Variants in NALF1 observed in about 807,000 individuals in gnomAD.
The protein encoded by NALF1 is family with sequence similarity 155 member A.
NALF1 carries 3 observed loss-of-function variants against 48.4 expected under a neutral mutation model. The observed-to-expected ratio is 0.06, with a 90% CI of 0.03 to 0.16. The LOEUF (loss-of-function observed/expected upper bound fraction) is 0.16. NALF1 is among the 10% of genes least tolerant of loss of function. NALF1 has a pLI of 1.00. For missense variants in NALF1, 526 were observed against 571.5 expected (o/e 0.92, Z 0.81); for synonymous variants, 262 against 245.7 (o/e 1.07, Z -0.62).
intron 2 of NALF1, among the ~76,000 whole-genome samples, chr13:107,174,646 T>G (rs1017227067): frequency 1.5e-4 from 23 of 151,496 alleles, no homozygotes; most frequent in African/African-American, 5.6e-4. Flanking sequence ...TGAGCCACCG[T>G]GCCCGGCCAG....
chr13:107,416,699 C>T (rs1370531958), intron 1 of NALF1, among the ~76,000 whole-genome samples: 2 of 152,262 alleles, frequency 1.3e-5, no homozygotes, highest in African/African-American at 2.4e-5. Flanking sequence ...TTTGGAAGGT[C>T]AAAAGTTACA....
intron 1 of NALF1, among the ~76,000 whole-genome samples, chr13:107,565,748 T>C (rs1877792836): frequency 6.6e-6 from 1 of 152,198 alleles, no homozygotes; most frequent in African/African-American, 2.4e-5. Flanking sequence ...ATGGCCTCTG[T>C]AACTTACAAC....
At chr13:107,531,875 T>C (rs1198001293) in intron 1 of NALF1, among the ~76,000 whole-genome samples, 1 of 152,152 alleles carries the variant, frequency 6.6e-6, no homozygotes, top group Non-Finnish European at 1.5e-5. Context: ...TTAGAATTTT[T>C]AAAAATTAAT....
chr13:107,477,790 G>T (rs999344409), intron 1 of NALF1, among the ~76,000 whole-genome samples: 1 of 151,950 alleles, frequency 6.6e-6, no homozygotes, highest in Non-Finnish European at 1.5e-5. Context: ...CCGCTTAAAG[G>T]TGTATGTCTT....
chr13:107,401,043 T>C (rs1883797845), intron 1 of NALF1, among the ~76,000 whole-genome samples: 1 of 152,190 alleles, frequency 6.6e-6, no homozygotes. Context: ...GTTTGGCTTT[T>C]TGCGTTCCAG....
intron 1 of NALF1, among the ~76,000 whole-genome samples, chr13:107,730,308 A>G (rs896611990): frequency 1.3e-5 from 2 of 152,220 alleles, no homozygotes; most frequent in East Asian, 1.9e-4. Flanking sequence ...TTCAGGCTCA[A>G]TCAATACTCT....
chr13:107,505,808 A>C (rs1875679712), intron 1 of NALF1, among the ~76,000 whole-genome samples: 1 of 152,152 alleles, frequency 6.6e-6, no homozygotes, highest in Non-Finnish European at 1.5e-5. Flanking sequence ...AGTTTTGATT[A>C]TTTCCATATT....
chr13:107,651,905 G>C (rs1415119582), intron 1 of NALF1, among the ~76,000 whole-genome samples: 1 of 152,190 alleles, frequency 6.6e-6, no homozygotes, highest in East Asian at 1.9e-4. Flanking sequence ...CAGGACTCTA[G>C]AGACTGCTCT....
chr13:107,789,681 A>G (rs1878175353), intron 1 of NALF1, among the ~76,000 whole-genome samples: 1 of 152,180 alleles, frequency 6.6e-6, no homozygotes, highest in African/African-American at 2.4e-5. Flanking sequence ...AGATAATAAA[A>G]CTGAGACTCA....
chr13:107,268,359 A>T (rs1219523772), intron 1 of NALF1, among the ~76,000 whole-genome samples: 1 of 152,138 alleles, frequency 6.6e-6, no homozygotes, highest in African/African-American at 2.4e-5. Flanking sequence ...ATGGAAAGTG[A>T]AACCACAGAT....
chr13:107,427,294 T>G (rs1188855111), intron 1 of NALF1, among the ~76,000 whole-genome samples: 1 of 151,954 alleles, frequency 6.6e-6, no homozygotes, highest in Non-Finnish European at 1.5e-5. Flanking sequence ...TCTAAAATAC[T>G]GTGCATTTTG....
At chr13:107,234,032 A>T (rs998537297) in intron 1 of NALF1, among the ~76,000 whole-genome samples, 4 of 152,088 alleles carry the variant, frequency 2.6e-5, no homozygotes, top group African/African-American at 7.2e-5. Context: ...TTGCTGAAAA[A>T]CCTTGGATTT....
At chr13:107,246,586 T>A (rs9520341) in intron 1 of NALF1, among the ~76,000 whole-genome samples, 29,712 of 152,230 alleles carry the variant, frequency 0.2, 3,566 homozygotes, top group South Asian at 0.42. Flanking sequence ...TGCAGTTCAA[T>A]CCTGTTTAAA....
chr13:107,561,217 A>T (rs896781369), intron 1 of NALF1, among the ~76,000 whole-genome samples: 2 of 152,214 alleles, frequency 1.3e-5, no homozygotes, highest in African/African-American at 4.8e-5. Context: ...TTTAACAAAT[A>T]TCCCGAAGAT....
intron 1 of NALF1, among the ~76,000 whole-genome samples, chr13:107,439,660 GA>G (rs1884524924): frequency 6.6e-6 from 1 of 152,112 alleles, no homozygotes; most frequent in South Asian, 2.1e-4. Context: ...TCATTGATCT[GA>G]AAAACTCTCA....
chr13:107,693,641 T>C (rs935004107), intron 1 of NALF1, among the ~76,000 whole-genome samples: 1 of 151,962 alleles, frequency 6.6e-6, no homozygotes, highest in African/African-American at 2.4e-5. Flanking sequence ...GTAAGGGAAG[T>C]ATTCATTGCA....
chr13:107,303,297 TATAAA>T (rs1482916102), intron 1 of NALF1, among the ~76,000 whole-genome samples: 2 of 152,194 alleles, frequency 1.3e-5, no homozygotes, highest in African/African-American at 4.8e-5. Context: ...ATCACAAAAC[TATAAA>T]ATAAAATAAT....
In NALF1 at chr13:107,454,554, C is replaced by T. The variant is rs573935882; in HGVS notation, c.916-243799G>A. Among the ~76,000 whole-genome samples, 4 of 152,218 alleles carry T rather than the reference C, an allele frequency of 2.6e-5. No homozygotes were observed. In the South Asian group the frequency reaches 8.3e-4, roughly 32 times the overall value. On this transcript the variant is annotated intron_variant, in intron 1 of 2. Coordinates refer to ENST00000375915, the MANE Select transcript of NALF1 (RefSeq NM_001080396.3). ...TCTCCACTTGGTCTCTCCCATGACA[C>T]ATGGGGATTATAGGGATTACAACAC...
At chr13:107,807,169 A>G (rs1483699395) in intron 1 of NALF1, among the ~76,000 whole-genome samples, 1 of 152,182 alleles carries the variant, frequency 6.6e-6, no homozygotes, top group African/African-American at 2.4e-5. Flanking sequence ...AAATATGATT[A>G]TATTGATATG....
Sources: allele counts gnomAD v4.1 joint callset (sites outside exome capture counted in the v4.1 genomes callset), GRCh38; gene constraint gnomAD v4.1.1; transcripts MANE v1.5; gene names NCBI Gene and HGNC (gene_info 2026-07-23, HGNC 2026-07-21).